The following SSX2IP variants were observed in gnomAD, a reference collection of about 807,000 sequenced individuals.
SSX2IP encodes SSX family member 2 interacting protein.
Under a neutral mutation model 84.9 loss-of-function variants are expected in SSX2IP, and 55 were observed. The ratio of observed to expected loss-of-function variants is 0.65; its 90% CI spans 0.52 to 0.81. SSX2IP has a LOEUF of 0.81. Among genes scored for constraint, SSX2IP ranks in the 30% least tolerant of loss-of-function variants. The pLI, the probability that SSX2IP is intolerant of heterozygous loss-of-function variation, is 0.00. For missense variants in SSX2IP, 664 were observed against 705.2 expected, an observed-to-expected ratio of 0.94 and a Z score of 0.66; for synonymous variants, 239 against 234.7, an observed-to-expected ratio of 1.02 and a Z score of -0.17.
Position 84,670,778 on chromosome 1 carries a change from C to T in SSX2IP, c.81G>A (p.Lys27=), listed in dbSNP as rs769324416. The T allele has an allele frequency of 6.2e-7, 1 of 1,612,458 alleles. No homozygotes were observed. The highest frequency in any genetic ancestry group is 1.7e-5 in the Admixed American group (1 of 59,916). The change falls in exon 3 of 14, where the codon AAG becomes AAA. Residue 27 remains lysine, a synonymous_variant. Coordinates refer to ENST00000342203, the MANE Select transcript of SSX2IP (RefSeq NM_001166293.2). ...KTISQYTSET[K]MSPSSLYSQQ... is the part of the protein sequence containing the mutation. ...GTGAGTATAAACTTGATGGAGACATCTTTGTTTCTGAGGTATATTGAGAGA... is the reference window on the plus strand; with the variant it reads ...GTGAGTATAAACTTGATGGAGACATTTTTGTTTCTGAGGTATATTGAGAGA...
rs757935939 is a variant in SSX2IP at position 84,686,240 on chromosome 1, T to C, written c.-90+4131A>G. Among the ~76,000 whole-genome samples the C allele has an allele frequency of 2.3e-4, 35 of 152,290 alleles. No homozygotes were observed. In the South Asian group the frequency reaches 3.9e-3, roughly 17 times the overall value. ...ACTTTTATAATCTGAAAAAAAAATC[T>C]TTGAGACAGATATTATAGTAAACTG... On this transcript the variant is annotated intron_variant, in intron 1 of 13. Coordinates refer to ENST00000342203, the MANE Select transcript of SSX2IP (RefSeq NM_001166293.2).
At chr1:84,668,373 TA>T (rs934012364) in intron 4 of SSX2IP, among the ~76,000 whole-genome samples, 1 of 152,134 alleles carries the variant, frequency 6.6e-6, no homozygotes, top group Non-Finnish European at 1.5e-5. Context: ...TTCACAAGCC[TA>T]GGGGGCACCA....
chr1:84,664,850 A>G (rs1195542203), intron 5 of SSX2IP, among the ~76,000 whole-genome samples: 1 of 152,186 alleles, frequency 6.6e-6, no homozygotes, highest in Non-Finnish European at 1.5e-5. Context: ...TTAAAACTTC[A>G]TCTGAGATAA....
Position 84,647,615 on chromosome 1 carries a change from GA to G in SSX2IP, c.1671-9del. Reference sequence around the variant, plus strand: ...TTCAGTACATTGATTGAACTGTTGGGAAAAGAAAGGCAGATCTTAGTGACTA... The same window carrying G: ...TTCAGTACATTGATTGAACTGTTGGGAAAGAAAGGCAGATCTTAGTGACTA... On this transcript the variant is annotated splice_polypyrimidine_tract_variant and intron_variant, in intron 13 of 13. Transcript: ENST00000342203. 1 of 1,551,888 alleles carries G rather than the reference GA, an allele frequency of 6.4e-7. No homozygotes were observed. Among genetic ancestry groups the G allele is most frequent in the Non-Finnish European group, 8.7e-7 (1 of 1,144,940 alleles).
chr1:84,666,535 T>A (rs1255735249), intron 4 of SSX2IP, among the ~76,000 whole-genome samples: 3 of 152,160 alleles, frequency 2.0e-5, no homozygotes, highest in Non-Finnish European at 1.5e-5. Flanking sequence ...TTTTTAAAGT[T>A]TATTTTTAAT....
chr1:84,683,150 C>CT lies in SSX2IP; in HGVS notation c.-90+7220dup, dbSNP rs58800832. The stretch of plus-strand genomic sequence containing the variant: ...GGGGAAGGATACAATATTCAAGCTG[C>CT]TTTTTTTTTTTTTAAGTTTTGGGAT... On this transcript the variant is annotated intron_variant, in intron 1 of 13. Transcript: ENST00000342203. Among the ~76,000 whole-genome samples, 336 of 142,888 alleles carry CT rather than the reference C, an allele frequency of 2.4e-3. 3 individuals carry two copies. Among genetic ancestry groups the CT allele is most frequent in the East Asian group, 0.02 (100 of 4,976 alleles). The allele number at this position is 142,888 out of a possible 152,430, so 93.7% of individuals were successfully genotyped here. A position where few individuals can be genotyped will look rare whatever the true frequency, so the allele number is the denominator to read the frequency against.
chr1:84,666,250 A>C lies in SSX2IP; in HGVS notation c.427-18T>G, dbSNP rs1240141401. 3 of 1,585,194 alleles carry C rather than the reference A, an allele frequency of 1.9e-6. No homozygotes were observed. In the African/African-American group the frequency reaches 4.1e-5, roughly 21 times the overall value. On this transcript the variant is annotated intron_variant, in intron 4 of 13. Coordinates refer to ENST00000342203, the MANE Select transcript of SSX2IP (RefSeq NM_001166293.2). ...AGTTGTTCCTAAAACATTTATAAGC[A>C]ATTTTGCTTAAAATTAATAAAGGAT... is the stretch of plus-strand genomic sequence containing the variant.
In SSX2IP at chr1:84,671,294, C is replaced by T; in HGVS notation, c.-75G>A. On this transcript the variant is annotated 5_prime_UTR_variant, in exon 2 of 14. An upstream open reading frame in the 5' UTR loses its in-frame stop. Transcript: ENST00000342203. ...ATTTAGTCTAGCTGCTGTCACTCTT[C>T]TATGTAGGCATCTCCTTAAAAAGCA... 6.3e-7 allele frequency: 1 copy of T among 1,581,600 alleles called. No individual in the cohort carries two copies. Among genetic ancestry groups the T allele is most frequent in the Non-Finnish European group, 8.6e-7 (1 of 1,166,528 alleles).
At chr1:84,659,035 T>C (rs190738263) in intron 8 of SSX2IP, among the ~76,000 whole-genome samples, 10 of 152,290 alleles carry the variant, frequency 6.6e-5, no homozygotes, top group African/African-American at 2.2e-4. Flanking sequence ...TTTACTGATA[T>C]ATGATCACAC....
chr1:84,684,283 C>A (rs74442984), intron 1 of SSX2IP, among the ~76,000 whole-genome samples: 5,308 of 152,230 alleles, frequency 0.035, 110 homozygotes, highest in South Asian at 0.064. Flanking sequence ...AGAACCTCCA[C>A]GTAATTCTGA....
chr1:84,649,350 C>T (rs1387544451), intron 13 of SSX2IP, among the ~76,000 whole-genome samples: 1 of 152,190 alleles, frequency 6.6e-6, no homozygotes, highest in Non-Finnish European at 1.5e-5. Flanking sequence ...CTCAGGGTTC[C>T]TACACTTGGC....
At chr1:84,647,879 C>G (rs12093770) in intron 13 of SSX2IP, among the ~76,000 whole-genome samples, 4,068 of 152,020 alleles carry the variant, frequency 0.027, 190 homozygotes, top group African/African-American at 0.093. Flanking sequence ...AACCCTGTCT[C>G]TACAAAAAAT....
In SSX2IP at chr1:84,682,980, A is replaced by G. The variant is rs562902954; in HGVS notation, c.-90+7391T>C. On this transcript the variant is annotated intron_variant, in intron 1 of 13. Coordinates refer to ENST00000342203, the MANE Select transcript of SSX2IP (RefSeq NM_001166293.2). ...TATTCAATCTTACAATGATCCAAATACTTTCCCCCATTACAGATAAGGAAA... is the reference window on the plus strand; with the variant it reads ...TATTCAATCTTACAATGATCCAAATGCTTTCCCCCATTACAGATAAGGAAA... Among the ~76,000 whole-genome samples, 560 of 106,332 alleles carry G rather than the reference A, an allele frequency of 5.3e-3. 2 individuals are homozygous for G. Among genetic ancestry groups the G allele is most frequent in the African/African-American group, 0.014 (531 of 38,934 alleles). The allele number at this position is 106,332 out of a possible 152,430, so 69.8% of individuals were successfully genotyped here.
At chr1:84,682,663 CCTG>C (rs1288232916) in intron 1 of SSX2IP, among the ~76,000 whole-genome samples, 1 of 152,076 alleles carries the variant, frequency 6.6e-6, no homozygotes, top group East Asian at 1.9e-4. Flanking sequence ...TGCCACCGCA[CCTG>C]CTAATTTTTG....
intron 1 of SSX2IP, among the ~76,000 whole-genome samples, chr1:84,686,669 G>A (rs1655835970): frequency 6.6e-6 from 1 of 152,160 alleles, no homozygotes; most frequent in South Asian, 2.1e-4. Flanking sequence ...GAGTGAAGCA[G>A]ACCCAGACAC....
intron 5 of SSX2IP, 76 bp downstream of exon 5, chr1:84,666,046 G>A: frequency 9.9e-7 from 1 of 1,009,482 alleles, no homozygotes; most frequent in Non-Finnish European, 1.5e-6. Context: ...CAAGTAAAGT[G>A]GCTCTTATGG....
Position 84,664,460 on chromosome 1 carries a change from T to G in SSX2IP, c.630A>C (p.Glu210Asp). The G allele has an allele frequency of 6.2e-7, 1 of 1,603,344 alleles. No homozygotes were observed. The highest frequency in any genetic ancestry group is 8.5e-7 in the Non-Finnish European group (1 of 1,176,402). The change falls in exon 6 of 14, where the codon GAA becomes GAC. Residue 210 changes from glutamate to aspartate, a missense_variant. Glu to Asp is a conservative substitution (Grantham distance 45, BLOSUM62 2). Transcript: ENST00000342203. ...RKEREYNKLK[E>D]RLHQLVMNKK... ...TGTTCATAACAAGTTGATGTAGACGTTCCTTCAGTTTATTATATTCACGCT... is the reference window on the plus strand; with the variant it reads ...TGTTCATAACAAGTTGATGTAGACGGTCCTTCAGTTTATTATATTCACGCT...
chr1:84,654,157 GAAGAA>G (rs1478652321), intron 11 of SSX2IP, among the ~76,000 whole-genome samples: 1 of 151,938 alleles, frequency 6.6e-6, no homozygotes, highest in African/African-American at 2.4e-5. Context: ...AAAAAATAAA[GAAGAA>G]AATTTCCCTA....
At chr1:84,670,568 A>G (rs1653425961) in intron 3 of SSX2IP, 78 bp downstream of exon 3, 1 of 1,069,492 alleles carries the variant, frequency 9.4e-7, no homozygotes, top group East Asian at 2.6e-5. Context: ...TGTGTTTGAC[A>G]AATGTTTTTC....
Sources: gnomAD v4.1 joint callset for allele counts (sites outside exome capture counted in the v4.1 genomes callset) on GRCh38, gnomAD v4.1.1 for gene constraint, MANE v1.5 for transcripts, NCBI Gene and HGNC (gene_info 2026-07-23, HGNC 2026-07-21) for gene names.